The following ANKS1B variants were observed in gnomAD, a reference collection of about 807,000 sequenced individuals.
The protein encoded by ANKS1B is ankyrin repeat and sterile alpha motif domain containing 1B.
A neutral mutation model predicts 148.3 loss-of-function variants in ANKS1B; 36 were observed. The ratio of observed to expected loss-of-function variants is 0.24; its 90% CI spans 0.19 to 0.32. ANKS1B has a LOEUF of 0.32. ANKS1B is among the 10% of genes least tolerant of loss of function. The pLI is 1.00. For synonymous variants in ANKS1B, 542 were observed against 560.8 expected, an observed-to-expected ratio of 0.97 and a Z score of 0.47; for missense variants, 1,157 against 1,542.6, an observed-to-expected ratio of 0.75 and a Z score of 4.19.
At position 99,407,964 on chromosome 12, in the gene ANKS1B, C is replaced by T. The variant is rs944097312; in HGVS notation, c.1576-8153G>A. 9.6e-5 allele frequency among the ~76,000 whole-genome samples: 14 copies of T among 146,050 alleles called. 2 individuals are homozygous for T. Among genetic ancestry groups the T allele is most frequent in the African/African-American group, 3.4e-4 (13 of 38,582 alleles). Reference sequence around the variant, plus strand: ...ATTCAATGCAATCATTAACAAAATACTAATGATATTCTTCACAGAAATGGA... The same window carrying T: ...ATTCAATGCAATCATTAACAAAATATTAATGATATTCTTCACAGAAATGGA... On this transcript the variant is annotated intron_variant, in intron 11 of 26. Coordinates refer to ENST00000683438, the MANE Select transcript of ANKS1B (RefSeq NM_001352186.2).
intron 19 of ANKS1B, among the ~76,000 whole-genome samples, chr12:98,821,710 T>C (rs201424): frequency 0.87 from 132,431 of 152,110 alleles, 57,733 homozygotes; most frequent in East Asian, 1. Flanking sequence ...TGGGTTCAAG[T>C]GGTTCTCATG....
intron 8 of ANKS1B, among the ~76,000 whole-genome samples, chr12:99,717,764 T>C (rs1337589319): frequency 6.8e-6 from 1 of 147,510 alleles, no homozygotes; most frequent in Non-Finnish European, 1.5e-5. Context: ...TCTTAATCAA[T>C]ACGGAGGCTA....
At chr12:98,794,618 G>A (rs1443346411) in intron 22 of ANKS1B, 42 of 814,574 alleles carry the variant, frequency 5.2e-5, no homozygotes, top group South Asian at 3.6e-4. Flanking sequence ...AAAGAAGTGC[G>A]ATCCTCACAA....
intron 21 of ANKS1B, among the ~76,000 whole-genome samples, chr12:98,799,718 G>A (rs35070158): frequency 0.075 from 11,343 of 151,838 alleles, 584 homozygotes; most frequent in Non-Finnish European, 0.11. Context: ...AATGCCCCTC[G>A]TGCTCCAGCT....
intron 1 of ANKS1B, among the ~76,000 whole-genome samples, chr12:99,949,016 G>A (rs2095145284): frequency 6.6e-6 from 1 of 152,146 alleles, no homozygotes; most frequent in Admixed American, 6.5e-5. Flanking sequence ...ATTGTGGAAA[G>A]CCAAATGAAG....
chr12:99,835,266 A>C (rs576015296), intron 1 of ANKS1B, among the ~76,000 whole-genome samples: 301 of 145,406 alleles, frequency 2.1e-3, no homozygotes, highest in Middle Eastern at 7.0e-3. Flanking sequence ...AAAAAAAAAA[A>C]ACACAAAAAG....
chr12:99,618,681 C>G (rs188564436), intron 9 of ANKS1B, among the ~76,000 whole-genome samples: 19 of 152,040 alleles, frequency 1.2e-4, no homozygotes, highest in African/African-American at 4.6e-4. Context: ...TTCTCCCAAG[C>G]CTTGGAAATA....
intron 10 of ANKS1B, among the ~76,000 whole-genome samples, chr12:99,471,345 C>T (rs757490752): frequency 6.6e-6 from 1 of 151,656 alleles, no homozygotes; most frequent in Non-Finnish European, 1.5e-5. Flanking sequence ...TCCAAAAGTA[C>T]CTAGTTATTA....
intron 8 of ANKS1B, among the ~76,000 whole-genome samples, chr12:99,666,763 A>C (rs941090007): frequency 6.6e-6 from 1 of 152,012 alleles, no homozygotes. Context: ...GTACATATTT[A>C]AGGTGTATGG....
At chr12:99,035,196 C>T (rs1256048112) in intron 17 of ANKS1B, among the ~76,000 whole-genome samples, 1 of 152,164 alleles carries the variant, frequency 6.6e-6, no homozygotes, top group Middle Eastern at 3.2e-3. Flanking sequence ...AGAAACCAGA[C>T]CCCTTCTTCC....
At chr12:99,969,659 G>T (rs1173843374) in intron 1 of ANKS1B, among the ~76,000 whole-genome samples, 1 of 152,170 alleles carries the variant, frequency 6.6e-6, no homozygotes, top group African/African-American at 2.4e-5. Flanking sequence ...TGAGAACTAT[G>T]TAGGAACTGA....
intron 22 of ANKS1B, among the ~76,000 whole-genome samples, chr12:98,784,188 G>A (rs1367987235): frequency 6.6e-6 from 1 of 152,220 alleles, no homozygotes; most frequent in Non-Finnish European, 1.5e-5. Flanking sequence ...AGTAGGAAAT[G>A]AGAATCAGAT....
At chr12:98,935,240 T>A (rs903367361) in intron 17 of ANKS1B, among the ~76,000 whole-genome samples, 10 of 152,228 alleles carry the variant, frequency 6.6e-5, no homozygotes, top group African/African-American at 1.2e-4. Context: ...GAGATGATCA[T>A]ATGATTTTTA....
intron 14 of ANKS1B, chr12:99,154,712 C>T: frequency 1.4e-6 from 2 of 1,437,964 alleles, no homozygotes; most frequent in Non-Finnish European, 1.8e-6. Flanking sequence ...AAGCTGTCAG[C>T]TTGGGCTGGT....
chr12:99,393,404 T>C (rs1417360280), intron 12 of ANKS1B, among the ~76,000 whole-genome samples: 1 of 152,140 alleles, frequency 6.6e-6, no homozygotes, highest in East Asian at 1.9e-4. Flanking sequence ...GGGAATGACA[T>C]GAGGAGCCTT....
Position 99,666,870 on chromosome 12 carries a change from GT to G in ANKS1B, c.1129-11661del, listed in dbSNP as rs779671108. On this transcript the variant is annotated intron_variant, in intron 8 of 26. Transcript: ENST00000683438. ...TAGTTACTATGGGGTGTGTGTGTGT[GT>G]GTGTGTGTGTGTGTGTGTGTGTGTG... is the stretch of plus-strand genomic sequence containing the variant. Among the ~76,000 whole-genome samples the G allele has an allele frequency of 9.0e-3, 1,297 of 143,450 alleles. 9 individuals are homozygous for G. Among genetic ancestry groups the G allele is most frequent in the Non-Finnish European group, 0.013 (852 of 64,100 alleles). 94.1% of individuals were successfully genotyped at this position (143,450 alleles called of 152,430 possible). A position where few individuals can be genotyped will look rare whatever the true frequency, so the allele number is the denominator to read the frequency against.
intron 8 of ANKS1B, among the ~76,000 whole-genome samples, chr12:99,692,668 C>CA (rs71088139): frequency 0.24 from 30,968 of 128,190 alleles, 3,912 homozygotes; most frequent in Non-Finnish European, 0.31. Flanking sequence ...AAGATTCTGT[C>CA]AAAAAAAAAA....
intron 14 of ANKS1B, among the ~76,000 whole-genome samples, chr12:99,243,957 A>G (rs2089838781): frequency 6.6e-6 from 1 of 152,322 alleles, no homozygotes; most frequent in South Asian, 2.1e-4. Flanking sequence ...AACATGGCAC[A>G]TGTATACCTA....
At chr12:98,745,879 T>C (rs760296758) in intron 26 of ANKS1B, 30 bp from the exon 27 acceptor site, 3 of 1,594,290 alleles carry the variant, frequency 1.9e-6, no homozygotes, top group East Asian at 2.3e-5. Flanking sequence ...ATGCCTGTTA[T>C]ACGGTCGCCG....
Sources: allele counts gnomAD v4.1 joint callset (sites outside exome capture counted in the v4.1 genomes callset), GRCh38; gene constraint gnomAD v4.1.1; transcripts MANE v1.5; gene names NCBI Gene and HGNC (gene_info 2026-07-23, HGNC 2026-07-21).